MAML2: variants seen among roughly 807,000 people sequenced by gnomAD.
MAML2 encodes the protein mastermind-like protein 2.
Under a neutral mutation model 96.1 loss-of-function variants are expected in MAML2, and 22 were observed. The observed-to-expected ratio is 0.23, with a 90% CI of 0.16 to 0.33. MAML2 has a LOEUF of 0.33. Among genes scored for constraint, MAML2 ranks in the 10% least tolerant of loss-of-function variants. The pLI, the probability that MAML2 is intolerant of heterozygous loss-of-function variation, is 1.00. For synonymous variants in MAML2, 561 were observed against 521.3 expected (o/e 1.08, Z -1.04); for missense variants, 1,367 against 1,392.4 (o/e 0.98, Z 0.29).
chr11:96,187,556 G>A (rs751244389), intron 1 of MAML2, among the ~76,000 whole-genome samples: 3 of 152,066 alleles, frequency 2.0e-5, no homozygotes, highest in Non-Finnish European at 2.9e-5. Flanking sequence ...CGCCTGTAAT[G>A]CCAGCACTTT....
At chr11:96,062,880 A>G (rs911352154) in intron 2 of MAML2, among the ~76,000 whole-genome samples, 5 of 152,180 alleles carry the variant, frequency 3.3e-5, no homozygotes, top group Non-Finnish European at 7.3e-5. Flanking sequence ...TGTTTCGATG[A>G]CAAGGGACTG....
At chr11:96,260,845 GA>G (rs1862739734) in intron 1 of MAML2, among the ~76,000 whole-genome samples, 1 of 151,640 alleles carries the variant, frequency 6.6e-6, no homozygotes, top group African/African-American at 2.4e-5. Context: ...CAGATCAAAT[GA>G]GTAGCCATCA....
intron 1 of MAML2, among the ~76,000 whole-genome samples, chr11:96,160,658 C>G (rs1408276675): frequency 6.6e-6 from 1 of 152,126 alleles, no homozygotes; most frequent in Non-Finnish European, 1.5e-5. Flanking sequence ...GAACTCCTGA[C>G]CTCAGGTGAT....
chr11:96,243,908 T>C (rs1862475762), intron 1 of MAML2, among the ~76,000 whole-genome samples: 1 of 152,218 alleles, frequency 6.6e-6, no homozygotes. Context: ...CCCAAAGTGC[T>C]GGGATTACTG....
chr11:96,342,026 AGG>A lies in MAML2; in HGVS notation c.-133_-132del, dbSNP rs1491162333. ...GGGCCACATGAATAGAGGTCTTCAG[AGG>A]TTGTGGGGGAGCCGTGGAGAAGTTG... On this transcript the variant is annotated 5_prime_UTR_variant, in exon 1 of 5. Coordinates refer to ENST00000524717, the MANE Select transcript of MAML2 (RefSeq NM_032427.4). The A allele has an allele frequency of 1.1e-6, 1 of 873,724 alleles. No individual in the cohort carries two copies. Among genetic ancestry groups the A allele is most frequent in the African/African-American group, 1.7e-5 (1 of 58,614 alleles). 54.1% of individuals were successfully genotyped at this position (873,724 alleles called of 1,614,324 possible).
rs755983100 is a variant in MAML2 at position 95,979,287 on chromosome 11, G to C, written c.3132C>G (p.Leu1044=). The C allele has an allele frequency of 6.2e-7, 1 of 1,613,950 alleles. No individual in the cohort carries two copies. The highest frequency in any genetic ancestry group is 1.7e-5 in the Admixed American group (1 of 60,002). ...QTLNGQTMGP[L]RGLNLRPNQL... is the part of the protein sequence containing the mutation. The stretch of plus-strand genomic sequence containing the variant: ...GATTGGGTCTGAGATTCAGACCCCT[G>C]AGGGGACCCATGGTTTGCCCATTTA... The change falls in exon 5 of 5, where the codon CTC becomes CTG. Residue 1044 remains leucine, a synonymous_variant. Transcript: ENST00000524717.
intron 1 of MAML2, among the ~76,000 whole-genome samples, chr11:96,233,432 T>G (rs1862324259): frequency 6.6e-6 from 1 of 151,622 alleles, no homozygotes; most frequent in East Asian, 1.9e-4. Flanking sequence ...TAAGATACAG[T>G]GTCTTACTCT....
chr11:96,194,409 C>A (rs1284548013), intron 1 of MAML2, among the ~76,000 whole-genome samples: 2 of 152,174 alleles, frequency 1.3e-5, no homozygotes, highest in African/African-American at 4.8e-5. Context: ...GCTAGGGGCT[C>A]AAATTTTGTA....
chr11:96,108,812 C>T (rs1013294796), intron 1 of MAML2, among the ~76,000 whole-genome samples: 9 of 152,010 alleles, frequency 5.9e-5, no homozygotes, highest in Admixed American at 6.6e-5. Context: ...ACAGGCAGAT[C>T]GCTTGAGTCC....
At chr11:96,191,482 A>G (rs1469376991) in intron 1 of MAML2, among the ~76,000 whole-genome samples, 1 of 92,744 alleles carries the variant, frequency 1.1e-5, no homozygotes, top group Non-Finnish European at 2.2e-5. Context: ...TAACAATAAT[A>G]AAAAAAAAAA....
chr11:96,198,173 TAGA>T (rs1861758719), intron 1 of MAML2, among the ~76,000 whole-genome samples: 1 of 152,224 alleles, frequency 6.6e-6, no homozygotes, highest in Admixed American at 6.5e-5. Flanking sequence ...GAAGACATGT[TAGA>T]AGGCTATCAA....
At chr11:96,019,743 C>G (rs1277700594) in intron 2 of MAML2, among the ~76,000 whole-genome samples, 1 of 150,604 alleles carries the variant, frequency 6.6e-6, no homozygotes, top group African/African-American at 2.4e-5. Context: ...GAACCAGACA[C>G]CTGGCAGTGA....
At chr11:96,278,235 A>T (rs965839568) in intron 1 of MAML2, among the ~76,000 whole-genome samples, 1 of 152,154 alleles carries the variant, frequency 6.6e-6, no homozygotes, top group Non-Finnish European at 1.5e-5. Context: ...TAAGGGGGAA[A>T]AAAAGGAACG....
At chr11:96,157,494 C>G (rs914073705) in intron 1 of MAML2, among the ~76,000 whole-genome samples, 7 of 152,196 alleles carry the variant, frequency 4.6e-5, no homozygotes, top group African/African-American at 1.7e-4. Context: ...GCCTTCTGAC[C>G]CACTTAAATG....
chr11:96,285,233 T>C (rs1863122911), intron 1 of MAML2, among the ~76,000 whole-genome samples: 1 of 152,188 alleles, frequency 6.6e-6, no homozygotes, highest in Non-Finnish European at 1.5e-5. Flanking sequence ...CCTTTGTGCT[T>C]GTTCCCTTAC....
chr11:96,110,212 T>A (rs1860094353), intron 1 of MAML2, among the ~76,000 whole-genome samples: 1 of 152,100 alleles, frequency 6.6e-6, no homozygotes, highest in Non-Finnish European at 1.5e-5. Context: ...ACAAAGTAGG[T>A]AGATTCTTCT....
At chr11:96,147,566 A>G (rs1235391967) in intron 1 of MAML2, among the ~76,000 whole-genome samples, 4 of 152,240 alleles carry the variant, frequency 2.6e-5, no homozygotes, top group Non-Finnish European at 5.9e-5. Context: ...CTCTTCCATG[A>G]GCAAAGGCTA....
chr11:96,131,478 G>A (rs1860548751), intron 1 of MAML2, among the ~76,000 whole-genome samples: 1 of 152,086 alleles, frequency 6.6e-6, no homozygotes, highest in Non-Finnish European at 1.5e-5. Context: ...GTACACTTGA[G>A]AAAATAATAT....
chr11:96,048,684 C>A (rs1590981281), intron 2 of MAML2, among the ~76,000 whole-genome samples: 1 of 151,940 alleles, frequency 6.6e-6, no homozygotes, highest in Non-Finnish European at 1.5e-5. Context: ...CTGACAGAAC[C>A]AAAGTCTTTC....
Sources: allele counts gnomAD v4.1 joint callset (sites outside exome capture counted in the v4.1 genomes callset), GRCh38; gene constraint gnomAD v4.1.1; transcripts MANE v1.5; gene names NCBI Gene and HGNC (gene_info 2026-07-23, HGNC 2026-07-21).